Variants in ITFG2 observed in about 807,000 individuals in gnomAD.
The protein encoded by ITFG2 is KICSTOR complex protein ITFG2.
In ITFG2, 36 loss-of-function variants were observed where a neutral mutation model predicts 54.4. The observed-to-expected ratio is 0.66, with a 90% confidence interval of 0.51 to 0.87. The LOEUF is 0.87. ITFG2 is among the 40% of genes least tolerant of loss of function. ITFG2 has a pLI of 0.00. For missense variants in ITFG2, 524 were observed against 576.7 expected, an observed-to-expected ratio of 0.91 and a Z score of 0.94; for synonymous variants, 211 against 225.4, an observed-to-expected ratio of 0.94 and a Z score of 0.57.
At chr12:2,850,372 G>T (rs2098066086) in intron 2 of ITFG2, among the ~76,000 whole-genome samples, 1 of 151,520 alleles carries the variant, frequency 6.6e-6, no homozygotes, top group East Asian at 2.0e-4. Context: ...TACTCGGGAG[G>T]CTGAGGCAGG....
chr12:2,821,837 C>A, intron 9 of ITFG2, 45 bp downstream of exon 9: 1 of 1,403,536 alleles, frequency 7.1e-7, no homozygotes, highest in Non-Finnish European at 1.0e-6. Context: ...GCGTTTTCCA[C>A]ATGGAGAGAT....
chr12:2,837,173 A>C (rs1466627616), intron 1 of ITFG2, among the ~76,000 whole-genome samples: 2 of 151,890 alleles, frequency 1.3e-5, no homozygotes, highest in Admixed American at 1.3e-4. Context: ...CTCCACTAAA[A>C]ATGCAAAAAA....
intron 1 of ITFG2, 56 bp downstream of exon 1, chr12:2,812,912 G>A (rs2097912499): frequency 6.8e-7 from 1 of 1,477,096 alleles, no homozygotes; most frequent in South Asian, 1.2e-5. Context: ...ACGGGGCAAG[G>A]GAAGTGGAAG....
intron 4 of ITFG2, chr12:2,819,766 A>T (rs1411681315): frequency 4.6e-6 from 1 of 216,040 alleles, no homozygotes; most frequent in African/African-American, 2.3e-5. Context: ...TGAAAAAAAA[A>T]AAAAGTGGCA....
rs373369614 is a variant in ITFG2, at chr12:2,812,867, G to A, written c.96+11G>A. The A allele has an allele frequency of 3.8e-6, 6 of 1,599,266 alleles. No individual in the cohort carries two copies. Among genetic ancestry groups the A allele is most frequent in the East Asian group, 4.5e-5 (2 of 44,558 alleles). The stretch of plus-strand genomic sequence containing the variant: ...GTTGATAACGATACGGTAGGTGCAT[G>A]CGCACCGCAAGAGACAGCCTGGATC... On this transcript the variant is annotated intron_variant, in intron 1 of 11. Coordinates refer to ENST00000228799, the MANE Select transcript of ITFG2 (RefSeq NM_018463.4).
At chr12:2,816,131 G>T (rs958874576) in intron 1 of ITFG2, among the ~76,000 whole-genome samples, 1 of 150,082 alleles carries the variant, frequency 6.7e-6, no homozygotes, top group Non-Finnish European at 1.5e-5. Flanking sequence ...CCTGGGTTCA[G>T]GCAGTTCTCC....
At chr12:2,834,644 A>C (rs750589261), upstream of ITFG2, 1 of 1,586,692 alleles carries the variant, frequency 6.3e-7, no homozygotes, top group African/African-American at 1.4e-5. Flanking sequence ...TGCCTCACCA[A>C]GTCCTTGGAG....
chr12:2,855,115 G>A lies in ITFG2; in HGVS notation n.301-2897G>A, dbSNP rs760936412. The A allele has an allele frequency of 4.1e-5, 63 of 1,533,978 alleles. No individual in the cohort carries two copies. The East Asian group carries it at 6.6e-4, about 16-fold the overall frequency. The stretch of plus-strand genomic sequence containing the variant: ...GGAGGGAGGGGGGATGGGGTGCTCC[G>A]TGGGGGGGCATCTGTGGGCATTGGA... On this transcript the variant is annotated intron_variant and non_coding_transcript_variant, in intron 2 of 3. Transcript: ENST00000537710.
chr12:2,823,901 A>T lies in ITFG2; in HGVS notation c.1198A>T (p.Thr400Ser), dbSNP rs779286201. ...ESTNLVKLLE[T>S]KPEYHSLLQE... ...TACCAATCTGGTGAAACTGCTGGAG[A>T]CCAAGCCGGAGTACCACAGCCTGCT... Residue 400 changes from threonine to serine, a missense_variant, in exon 11 of 12, where the codon ACC (threonine) becomes TCC (serine). Transcript: ENST00000228799. The T allele has an allele frequency of 1.9e-6, 3 of 1,613,456 alleles. No homozygotes were observed. Among genetic ancestry groups the T allele is most frequent in the Non-Finnish European group, 2.5e-6 (3 of 1,179,690 alleles).
At chr12:2,818,510 A>G in intron 4 of ITFG2, 1 of 701,012 alleles carries the variant, frequency 1.4e-6, no homozygotes, top group South Asian at 1.9e-5. Context: ...GAAAAGAAAC[A>G]ATATAGGCTA....
intron 2 of ITFG2, chr12:2,830,579 C>T (rs2097996414): frequency 9.9e-7 from 1 of 1,012,864 alleles, no homozygotes; most frequent in Non-Finnish European, 1.4e-6. Context: ...CTGGTTAGGT[C>T]CAGGCTAGGG....
intron 9 of ITFG2, 33 bp from the exon 10 acceptor site, chr12:2,822,761 C>G: frequency 6.3e-7 from 1 of 1,581,530 alleles, no homozygotes; most frequent in South Asian, 1.1e-5. Flanking sequence ...TCCACAGCTC[C>G]TTTATGTTCC....
At chr12:2,850,641 C>T (rs1440691455) in intron 2 of ITFG2, among the ~76,000 whole-genome samples, 1 of 150,262 alleles carries the variant, frequency 6.7e-6, no homozygotes, top group Non-Finnish European at 1.5e-5. Context: ...ACTGACTGAT[C>T]CAGAGTCTTT....
chr12:2,842,814 C>A lies in ITFG2; in HGVS notation n.300+1819C>A, dbSNP rs539477422. 5.3e-5 allele frequency among the ~76,000 whole-genome samples: 8 copies of A among 152,262 alleles called. No homozygotes were observed. In the South Asian group the frequency reaches 1.4e-3, roughly 28 times the overall value. On this transcript the variant is annotated intron_variant and non_coding_transcript_variant, in intron 2 of 3. Coordinates refer to the ITFG2 transcript ENST00000537710. ...ACAGCCCTGATCTAAATAGATTCTACAGCTCCTTTCCTCTTTCCTGATAGA... is the reference window on the plus strand; with the variant it reads ...ACAGCCCTGATCTAAATAGATTCTAAAGCTCCTTTCCTCTTTCCTGATAGA...
rs1027864603 is a variant in ITFG2 at position 2,824,671 on chromosome 12, T to C, written c.*478T>C. On this transcript the variant is annotated 3_prime_UTR_variant, in exon 12 of 12. Coordinates refer to ENST00000228799, the MANE Select transcript of ITFG2 (RefSeq NM_018463.4). The stretch of plus-strand genomic sequence containing the variant: ...ATTGTTAAAGGAATGGCAAACTGTT[T>C]TGTTTTGAAGGATCTTTCTACAGTC... 1.6e-5 allele frequency: 3 copies of C among 190,168 alleles called. No individual in the cohort carries two copies. In the Admixed American group the frequency reaches 1.7e-4, roughly 11 times the overall value. The allele number at this position is 190,168 out of a possible 1,614,324, so 11.8% of individuals were successfully genotyped here.
intron 1 of ITFG2, among the ~76,000 whole-genome samples, chr12:2,838,872 C>T (rs1337583278): frequency 1.3e-5 from 2 of 152,118 alleles, no homozygotes; most frequent in Non-Finnish European, 2.9e-5. Context: ...GGACTGTAGA[C>T]ACCACTTTGC....
chr12:2,826,257 G>A (rs2097966404), downstream of ITFG2: 1 of 152,054 alleles, frequency 6.6e-6, no homozygotes, highest in Non-Finnish European at 1.5e-5. Flanking sequence ...CTGGCAGGGG[G>A]TTAGAAAGCC....
chr12:2,831,062 A>G (rs2098000201), downstream of ITFG2, among the ~76,000 whole-genome samples: 1 of 145,522 alleles, frequency 6.9e-6, no homozygotes. Flanking sequence ...TTGGACACCC[A>G]TAGATTGCTC....
downstream of ITFG2, chr12:2,828,070 A>G (rs765136660): frequency 1.3e-6 from 2 of 1,594,394 alleles, no homozygotes; most frequent in Admixed American, 1.7e-5. Context: ...AGCAAGGGTT[A>G]TGGCTACCAC....
Sources: allele counts gnomAD v4.1 joint callset (sites outside exome capture counted in the v4.1 genomes callset), GRCh38; gene constraint gnomAD v4.1.1; transcripts MANE v1.5; gene names NCBI Gene and HGNC (gene_info 2026-07-23, HGNC 2026-07-21).